Variants in NOTCH4 observed in about 807,000 individuals in gnomAD.
The protein encoded by NOTCH4 is neurogenic locus notch homolog protein 4.
A neutral mutation model predicts 189.0 loss-of-function variants in NOTCH4; 138 were observed. The observed-to-expected ratio is 0.73, with a 90% CI of 0.64 to 0.84. The LOEUF (loss-of-function observed/expected upper bound fraction) is 0.84. NOTCH4 is among the 40% of genes least tolerant of loss of function. NOTCH4 has a pLI of 0.00. For synonymous variants in NOTCH4, 942 were observed against 1,032.8 expected, an observed-to-expected ratio of 0.91 and a Z score of 1.69; for missense variants, 2,286 against 2,605.4, an observed-to-expected ratio of 0.88 and a Z score of 2.67.
At chr6:32,223,412 G>A (rs1436396819) in intron 1 of NOTCH4, among the ~76,000 whole-genome samples, 1 of 152,128 alleles carries the variant, frequency 6.6e-6, no homozygotes, top group Non-Finnish European at 1.5e-5. Flanking sequence ...AGACTTCGAA[G>A]AGATTTCCTC....
intron 18 of NOTCH4, among the ~76,000 whole-genome samples, chr6:32,207,388 C>T (rs1390146277): frequency 6.6e-6 from 1 of 151,186 alleles, no homozygotes. Flanking sequence ...CTTTGGGAGG[C>T]GGAGGTGGGT....
In NOTCH4 at chr6:32,210,065, T is replaced by C. The variant is rs1018475934; in HGVS notation, c.2865+687A>G. 3.9e-5 allele frequency among the ~76,000 whole-genome samples: 6 copies of C among 152,150 alleles called. No homozygotes were observed. Among genetic ancestry groups the C allele is most frequent in the Non-Finnish European group, 2.9e-5 (2 of 68,028 alleles). ...AATGCCAGCTTTGCCTCTCCTGGCT[T>C]AGTGACCTGGACCACAAAGAAGAGG... On this transcript the variant is annotated intron_variant, in intron 18 of 29. Coordinates refer to ENST00000375023, the MANE Select transcript of NOTCH4 (RefSeq NM_004557.4). The surrounding 1 kb of genome is among the most constrained non-coding windows in gnomAD (Gnocchi z 4.8).
chr6:32,211,668 G>A (rs1315580353), intron 17 of NOTCH4, among the ~76,000 whole-genome samples: 1 of 152,074 alleles, frequency 6.6e-6, no homozygotes, highest in Non-Finnish European at 1.5e-5. Context: ...GAGGAAGGGT[G>A]TATTCAGGGC....
intron 17 of NOTCH4, among the ~76,000 whole-genome samples, chr6:32,211,614 TAAATA>T (rs1237627727): frequency 6.7e-6 from 1 of 149,326 alleles, no homozygotes; most frequent in Non-Finnish European, 1.5e-5. Context: ...AATAAATAAA[TAAATA>T]AATAAATAAA....
intron 12 of NOTCH4, among the ~76,000 whole-genome samples, chr6:32,214,484 T>TATATATATATATATATATATATAC (rs28383875): frequency 0.011 from 1,537 of 140,212 alleles, 27 homozygotes; most frequent in African/African-American, 0.033. Flanking sequence ...TATATATATA[T>TATATATATATATATATATATATAC]ACACACATAT....
At position 32,223,952 on chromosome 6, in the gene NOTCH4, C is replaced by T. The variant is rs1259240493; in HGVS notation, c.-24G>A. 1.3e-5 allele frequency: 21 copies of T among 1,586,524 alleles called. No individual in the cohort carries two copies. Among genetic ancestry groups the T allele is most frequent in the African/African-American group, 2.7e-5 (2 of 74,018 alleles). ...ATTCCACAGCCCCTTCTCCAAGCCC[C>T]GGTCCCTGTCCCTCTTCAGGCAGGG... On this transcript the variant is annotated 5_prime_UTR_variant, in exon 1 of 30. Transcript: ENST00000375023.
chr6:32,219,794 G>A lies in NOTCH4; in HGVS notation c.1316-8C>T. The A allele has an allele frequency of 1.9e-6, 3 of 1,609,894 alleles. No individual in the cohort carries two copies. Among genetic ancestry groups the A allele is most frequent in the Middle Eastern group, 1.7e-4 (1 of 5,928 alleles). ...GACTTGGGCCTTGCTGGGCTGGGAG[G>A]AGAGAAGAGCTGGGAGTCCACAGGG... On this transcript the variant is annotated splice_polypyrimidine_tract_variant and splice_region_variant and intron_variant, in intron 7 of 29. Coordinates refer to ENST00000375023, the MANE Select transcript of NOTCH4 (RefSeq NM_004557.4).
chr6:32,202,619 T>TA lies in NOTCH4; in HGVS notation c.3232-21dup. The TA allele has an allele frequency of 6.4e-7, 1 of 1,551,364 alleles. No homozygotes were observed. The highest frequency in any genetic ancestry group is 8.7e-7 in the Non-Finnish European group (1 of 1,145,926). On this transcript the variant is annotated intron_variant, in intron 20 of 29. Coordinates refer to ENST00000375023, the MANE Select transcript of NOTCH4 (RefSeq NM_004557.4). This position sits in a 1 kb window ranked among gnomAD's most constrained non-coding sequence, Gnocchi z 5.7. ...AAAACCCTGTGGAGGGGAGGGGAGA[T>TA]ATTGGAGATGCAACTTGCATTATTC...
rs1469940070 is a variant in NOTCH4, at chr6:32,198,868, TA to T, written c.4535+57del. On this transcript the variant is annotated intron_variant, in intron 24 of 29. Coordinates refer to ENST00000375023, the MANE Select transcript of NOTCH4 (RefSeq NM_004557.4). The surrounding 1 kb of genome is among the most constrained non-coding windows in gnomAD (Gnocchi z 5.5). ...TAGTATTTCTTATCTTTTCTGATTG[TA>T]AATATCGCCATAGGAGAGACTCCCC... The T allele has an allele frequency of 2.7e-6, 4 of 1,478,756 alleles. No homozygotes were observed. In the African/African-American group the frequency reaches 5.6e-5, roughly 21 times the overall value. The allele number at this position is 1,478,756 out of a possible 1,614,324, so 91.6% of individuals were successfully genotyped here. A position where few individuals can be genotyped will look rare whatever the true frequency, so the allele number is the denominator to read the frequency against.
In NOTCH4 at chr6:32,202,411, G is replaced by A. The variant is rs542697394; in HGVS notation, c.3420C>T (p.Cys1140=). The A allele has an allele frequency of 6.2e-7, 1 of 1,612,408 alleles. No individual in the cohort carries two copies. Among genetic ancestry groups the A allele is most frequent in the Non-Finnish European group, 8.5e-7 (1 of 1,179,778 alleles). The part of the protein sequence containing the change: ...APKGCGPPSP[C]LYNGSCSETT... ...TCTCTGAGCAGCTGCCATTGTATAG[G>A]CATGGGGAGGGAGGGCCACAGCCTT... Residue 1140 remains cysteine, a synonymous_variant, in exon 21 of 30, where the codon TGC becomes TGT. Coordinates refer to ENST00000375023, the MANE Select transcript of NOTCH4 (RefSeq NM_004557.4). The surrounding 1 kb of genome is among the most constrained non-coding windows in gnomAD (Gnocchi z 5.7).
In NOTCH4 at chr6:32,195,935, C is replaced by T. The variant is rs1787871368; in HGVS notation, c.5514G>A (p.Gly1838=). The change falls in exon 30 of 30, where the codon GGG becomes GGA. Residue 1838 remains glycine (G), a synonymous_variant. Transcript: ENST00000375023. The surrounding 1 kb of genome is among the most constrained non-coding windows in gnomAD (Gnocchi z 5.4). ...RHKATPGREA[G]PFPRARTVSV... ...ACACCGTCCGTGCGCGCGGGAAGGG[C>T]CCAGCCTCGCGGCCCGGCGTGGCTT... is the stretch of plus-strand genomic sequence containing the variant. The T allele has an allele frequency of 6.3e-7, 1 of 1,589,378 alleles. No homozygotes were observed.
At chr6:32,219,937 G>A in intron 7 of NOTCH4, 151 bp from the exon 8 acceptor site, 1 of 893,642 alleles carries the variant, frequency 1.1e-6, no homozygotes, top group African/African-American at 1.7e-5. Context: ...AGGAAATAAG[G>A]GACCAAACTC....
In NOTCH4 at chr6:32,199,409, A is replaced by T. The variant is rs1260190933; in HGVS notation, c.4316-264T>A. Among the ~76,000 whole-genome samples, 2 of 152,164 alleles carry T rather than the reference A, an allele frequency of 1.3e-5. No homozygotes were observed. The highest frequency in any genetic ancestry group is 6.5e-5 in the Admixed American group (1 of 15,278). On this transcript the variant is annotated intron_variant, in intron 23 of 29. Transcript: ENST00000375023. The surrounding 1 kb of genome is among the most constrained non-coding windows in gnomAD (Gnocchi z 4.9). The stretch of plus-strand genomic sequence containing the variant: ...TGGCAAAACCCCCTCTCTACTAAAA[A>T]TATAAAAATTAGTGGCTGGGTGTAG...
intron 18 of NOTCH4, among the ~76,000 whole-genome samples, chr6:32,207,629 C>CT (rs1491409240): frequency 7.2e-4 from 2 of 2,766 alleles, no homozygotes; most frequent in Admixed American, 8.2e-3. Context: ...AAGACTCTAT[C>CT]CCCCCCCCCC....
intron 17 of NOTCH4, among the ~76,000 whole-genome samples, chr6:32,211,275 C>CAA (rs1789000102): frequency 6.8e-6 from 1 of 146,928 alleles, no homozygotes; most frequent in African/African-American, 2.5e-5. Flanking sequence ...AACAAACAAA[C>CAA]AAACAAACAA....
chr6:32,223,805 C>G, intron 1 of NOTCH4, 51 bp downstream of exon 1: 1 of 1,572,060 alleles, frequency 6.4e-7, no homozygotes, highest in Non-Finnish European at 8.6e-7. Flanking sequence ...CCCCACTGAT[C>G]ATCCTCCTAA....
Position 32,200,522 on chromosome 6 carries a change from T to G in NOTCH4, c.4315+309A>C, listed in dbSNP as rs923719666. On this transcript the variant is annotated intron_variant, in intron 23 of 29. Coordinates refer to ENST00000375023, the MANE Select transcript of NOTCH4 (RefSeq NM_004557.4). The surrounding 1 kb of genome is among the most constrained non-coding windows in gnomAD (Gnocchi z 5.0). ...CTGCGCCCAGCCTATTATTCTTTCA[T>G]GTACTATGAATTGTCTGATACAAAG... is the stretch of plus-strand genomic sequence containing the variant. 6.6e-6 allele frequency among the ~76,000 whole-genome samples: 1 copy of G among 152,228 alleles called. No homozygotes were observed. The highest frequency in any genetic ancestry group is 1.5e-5 in the Non-Finnish European group (1 of 68,046).
At chr6:32,208,714 A>G (rs1364274646) in intron 18 of NOTCH4, among the ~76,000 whole-genome samples, 2 of 152,228 alleles carry the variant, frequency 1.3e-5, no homozygotes, top group East Asian at 3.8e-4. Context: ...AGCCTGGGCA[A>G]CACAGCAAGA....
rs148560828 is a variant in NOTCH4, at chr6:32,217,528, C to T, written c.1625-262G>A. Reference sequence around the variant, plus strand: ...AAAAGGGGAATAATAATGGAACCTACCTCATGGTACTGTTAAAAAGATTAA... The same window carrying T: ...AAAAGGGGAATAATAATGGAACCTATCTCATGGTACTGTTAAAAAGATTAA... On this transcript the variant is annotated intron_variant, in intron 9 of 29. Coordinates refer to ENST00000375023, the MANE Select transcript of NOTCH4 (RefSeq NM_004557.4). The surrounding 1 kb of genome is among the most constrained non-coding windows in gnomAD (Gnocchi z 4.2). 4.6e-5 allele frequency among the ~76,000 whole-genome samples: 7 copies of T among 152,316 alleles called. No homozygotes were observed. The East Asian group carries it at 1.4e-3, about 29-fold the overall frequency.
Sources: allele counts gnomAD v4.1 joint callset (sites outside exome capture counted in the v4.1 genomes callset), GRCh38; gene constraint gnomAD v4.1.1; non-coding constraint Gnocchi (gnomAD v3.1); transcripts MANE v1.5; gene names NCBI Gene and HGNC (gene_info 2026-07-23, HGNC 2026-07-21).